The following LRRK1 variants were observed in gnomAD, a reference collection of about 807,000 sequenced individuals.
LRRK1 encodes the protein leucine-rich repeat serine/threonine-protein kinase 1.
LRRK1 carries 113 observed loss-of-function variants against 209.1 expected under a neutral mutation model. The ratio of observed to expected loss-of-function variants is 0.54; its 90% CI spans 0.46 to 0.63. The LOEUF is 0.63. LRRK1 is among the 30% of genes least tolerant of loss of function. LRRK1 has a pLI of 0.00. For synonymous variants in LRRK1, 1,144 were observed against 1,099.7 expected (o/e 1.04, Z -0.80); for missense variants, 2,284 against 2,632.2 (o/e 0.87, Z 2.89).
At chr15:101,050,204 C>G (rs550064452) in intron 23 of LRRK1, among the ~76,000 whole-genome samples, 1 of 152,308 alleles carries the variant, frequency 6.6e-6, no homozygotes, top group South Asian at 2.1e-4. Context: ...GGAGGGGAGC[C>G]GTGGCAGCCA....
chr15:100,978,149 G>A (rs2031401149), intron 3 of LRRK1, among the ~76,000 whole-genome samples: 1 of 151,936 alleles, frequency 6.6e-6, no homozygotes, highest in Non-Finnish European at 1.5e-5. Flanking sequence ...ACAGGGGAAA[G>A]AATCAGGGAG....
At chr15:100,998,626 T>G (rs2032537683) in intron 6 of LRRK1, among the ~76,000 whole-genome samples, 1 of 17,878 alleles carries the variant, frequency 5.6e-5, no homozygotes, top group African/African-American at 2.0e-4. Context: ...AGGTAGAAAA[T>G]GGATGGGTGG....
chr15:100,986,555 C>T (rs911377989), intron 4 of LRRK1, among the ~76,000 whole-genome samples: 2 of 152,350 alleles, frequency 1.3e-5, no homozygotes, highest in East Asian at 1.9e-4. Context: ...CACAGGTGTA[C>T]GGTGTAAGAG....
At chr15:100,967,807 C>G (rs1055155871) in intron 2 of LRRK1, among the ~76,000 whole-genome samples, 2 of 152,192 alleles carry the variant, frequency 1.3e-5, no homozygotes, top group Non-Finnish European at 2.9e-5. Flanking sequence ...TAATGCATTT[C>G]AAAGCATATT....
intron 8 of LRRK1, 36 bp downstream of exon 8, chr15:101,010,613 TTTC>T: frequency 6.2e-7 from 1 of 1,603,462 alleles, no homozygotes; most frequent in Non-Finnish European, 8.5e-7. Flanking sequence ...AATTAGTCAT[TTTC>T]TTCTTGGTAG....
chr15:101,060,857 G>GCTC (rs1396926055), intron 29 of LRRK1, among the ~76,000 whole-genome samples: 7 of 152,280 alleles, frequency 4.6e-5, no homozygotes, highest in Admixed American at 1.3e-4. Context: ...ACAGTGAGGA[G>GCTC]CTCCCCGCAT....
At chr15:100,972,280 T>C (rs1188800163) in intron 2 of LRRK1, among the ~76,000 whole-genome samples, 1 of 151,368 alleles carries the variant, frequency 6.6e-6, no homozygotes, top group Non-Finnish European at 1.5e-5. Flanking sequence ...GATTTTAAAA[T>C]CTAATGTTTT....
Position 100,973,944 on chromosome 15 carries a change from C to G in LRRK1, c.238C>G (p.Gln80Glu), listed in dbSNP as rs562434357. Reference protein sequence around the residue: ...ARDLLEEACDQCASQLEKGQL... With the variant: ...ARDLLEEACDECASQLEKGQL... ...GGACCTGCTGGAGGAGGCCTGCGAC[C>G]AGTGCGCGTCCCAGCTGGAAAAGGT... Residue 80 changes from glutamine to glutamate, a missense_variant, in exon 3 of 34, where the codon CAG (glutamine) becomes GAG (glutamate). By Grantham distance (29) the Gln-to-Glu change is conservative. Transcript: ENST00000388948. 4 of 1,256,646 alleles carry G rather than the reference C, an allele frequency of 3.2e-6. No homozygotes were observed. Among genetic ancestry groups the G allele is most frequent in the Non-Finnish European group, 4.0e-6 (4 of 995,024 alleles). 77.8% of individuals were successfully genotyped at this position (1,256,646 alleles called of 1,614,324 possible).
At chr15:100,992,527 A>G (rs1206486332) in intron 6 of LRRK1, among the ~76,000 whole-genome samples, 3 of 152,214 alleles carry the variant, frequency 2.0e-5, no homozygotes, top group Non-Finnish European at 2.9e-5. Flanking sequence ...CCAGAGATTT[A>G]TGTTAAAATA....
chr15:100,973,670 C>T lies in LRRK1; in HGVS notation c.98-134C>T, dbSNP rs566333488. ...GCGAGCGCAGGGAGCGTCGCGGGGC[C>T]ACCCCTCTCTCTTCCTGAAGCCCCC... is the stretch of plus-strand genomic sequence containing the variant. On this transcript the variant is annotated intron_variant, in intron 2 of 33. Coordinates refer to ENST00000388948, the MANE Select transcript of LRRK1 (RefSeq NM_024652.6). 1.5e-5 allele frequency: 14 copies of T among 922,122 alleles called. No homozygotes were observed. In the South Asian group the frequency reaches 6.8e-4, roughly 45 times the overall value. The allele number at this position is 922,122 out of a possible 1,614,324, so 57.1% of individuals were successfully genotyped here. A position where few individuals can be genotyped will look rare whatever the true frequency, so the allele number is the denominator to read the frequency against.
intron 27 of LRRK1, 75 bp downstream of exon 27, chr15:101,055,298 G>A (rs2035733873): frequency 6.5e-6 from 9 of 1,388,284 alleles, no homozygotes; most frequent in Non-Finnish European, 8.5e-6. Flanking sequence ...CAGTCCTGGA[G>A]GCACCTGAAG....
chr15:101,019,747 G>A (rs1269718367), intron 12 of LRRK1, among the ~76,000 whole-genome samples: 4 of 152,196 alleles, frequency 2.6e-5, no homozygotes, highest in African/African-American at 9.7e-5. Context: ...CTTTGAGGCA[G>A]TTGTTTAATC....
chr15:100,973,233 G>A (rs186911595), intron 2 of LRRK1, among the ~76,000 whole-genome samples: 104 of 152,344 alleles, frequency 6.8e-4, no homozygotes, highest in African/African-American at 2.3e-3. Flanking sequence ...AGCAGCCCAC[G>A]CTCTGGTGAA....
Position 101,010,471 on chromosome 15 carries a change from C to G in LRRK1, c.1011C>G (p.Ser337=). The G allele has an allele frequency of 1.2e-6, 2 of 1,611,456 alleles. No homozygotes were observed. The highest frequency in any genetic ancestry group is 1.7e-6 in the Non-Finnish European group (2 of 1,179,324). The change falls in exon 8 of 34, where the codon TCC becomes TCG. Residue 337 remains serine, a synonymous_variant. Coordinates refer to ENST00000388948, the MANE Select transcript of LRRK1 (RefSeq NM_024652.6). ...ICSRLLEIDI[S]SNKLSHLPPG... is the part of the protein sequence containing the mutation. ...GCAGGCTACTTGAAATTGACATTTC[C>G]AGCAACAAGTTGTCCCACCTCCCTC...
At chr15:100,922,307 A>G (rs2141588558) in intron 1 of LRRK1, among the ~76,000 whole-genome samples, 1 of 152,322 alleles carries the variant, frequency 6.6e-6, no homozygotes. Flanking sequence ...ATATAAGCCA[A>G]AATAGTAACT....
At chr15:101,007,305 G>A (rs1411302396) in intron 6 of LRRK1, among the ~76,000 whole-genome samples, 11 of 152,148 alleles carry the variant, frequency 7.2e-5, no homozygotes, top group Non-Finnish European at 2.9e-5. Flanking sequence ...TTCCAATACG[G>A]ATTTCCAGTT....
At chr15:101,049,913 C>A in intron 23 of LRRK1, 130 bp downstream of exon 23, 1 of 1,017,548 alleles carries the variant, frequency 9.8e-7, no homozygotes, top group Non-Finnish European at 1.4e-6. Flanking sequence ...GGGGTCTTAA[C>A]AGCACTTTGG....
intron 2 of LRRK1, among the ~76,000 whole-genome samples, chr15:100,933,431 G>A (rs1387407192): frequency 2.6e-5 from 4 of 152,106 alleles, no homozygotes; most frequent in Non-Finnish European, 5.9e-5. Flanking sequence ...TTTCGCTATA[G>A]TTTTGTTTTG....
intron 9 of LRRK1, among the ~76,000 whole-genome samples, chr15:101,011,373 G>A (rs1183918879): frequency 6.6e-6 from 1 of 151,790 alleles, no homozygotes; most frequent in Admixed American, 6.6e-5. Flanking sequence ...CTACGCAGGA[G>A]GCTGAGGCCA....
Sources: gnomAD v4.1 joint callset for allele counts (sites outside exome capture counted in the v4.1 genomes callset) on GRCh38, gnomAD v4.1.1 for gene constraint, MANE v1.5 for transcripts, NCBI Gene and HGNC (gene_info 2026-07-23, HGNC 2026-07-21) for gene names.